Variants in FH observed in about 807,000 individuals in gnomAD.
FH encodes fumarate hydratase.
A neutral mutation model predicts 49.4 loss-of-function variants in FH; 22 were observed. The observed-to-expected ratio is 0.45, with a 90% CI of 0.32 to 0.64. The LOEUF (loss-of-function observed/expected upper bound fraction) is 0.64, where lower values mean the gene tolerates loss of function less well. Ranked by LOEUF, FH falls within the 30% of genes least tolerant of loss-of-function variation. The pLI is 0.05. For synonymous variants in FH, 208 were observed against 223.0 expected (o/e 0.93, Z 0.60); for missense variants, 526 against 641.5 (o/e 0.82, Z 1.95).
chr1:241,497,928 T>C lies in FH; in HGVS notation c.1433A>G (p.Asn478Ser), dbSNP rs201886827. ...AAKIAKTAHK[N>S]GSTLKETAIE... The stretch of plus-strand genomic sequence containing the variant: ...AGCAGTTTCCTTTAAGGTTGATCCA[T>C]TTTTGTGTGCTGTCTTAGCAATCTT... The change falls in exon 10 of 10, where the codon AAT (asparagine) becomes AGT (serine). Residue 478 changes from asparagine to serine, a missense_variant. By Grantham distance (46) the Asn-to-Ser change is conservative. Transcript: ENST00000366560. 13 of 1,613,552 alleles carry C rather than the reference T, an allele frequency of 8.1e-6. No homozygotes were observed. Among genetic ancestry groups the C allele is most frequent in the Non-Finnish European group, 1.1e-5 (13 of 1,179,736 alleles).
chr1:241,517,368 A>G, intron 1 of FH, 52 bp from the exon 2 acceptor site: 1 of 1,601,028 alleles, frequency 6.2e-7, no homozygotes. Flanking sequence ...CCCAGGATCA[A>G]AAGTAATCGC....
rs1415469257 is a variant in FH, at chr1:241,504,190, A to G, written c.960T>C (p.Ala320=). 1 of 1,614,106 alleles carries G rather than the reference A, an allele frequency of 6.2e-7. No individual in the cohort carries two copies. Among genetic ancestry groups the G allele is most frequent in the Admixed American group, 1.7e-5 (1 of 60,008 alleles). Residue 320 remains alanine (A), a synonymous_variant, in exon 7 of 10, where the codon GCT becomes GCC. Coordinates refer to ENST00000366560, the MANE Select transcript of FH (RefSeq NM_000143.4). ...TCATGGCTCCACTGAGCTCAACCAGAGCGTCATGAGCAGCCAGAGCTTCAA... is the reference window on the plus strand; with the variant it reads ...TCATGGCTCCACTGAGCTCAACCAGGGCGTCATGAGCAGCCAGAGCTTCAA... ...NKFEALAAHD[A]LVELSGAMNT...
At chr1:241,519,262 C>T in intron 1 of FH, 1 of 290,574 alleles carries the variant, frequency 3.4e-6, no homozygotes, top group South Asian at 4.2e-5. Context: ...GGCCTGCGCG[C>T]CAGCAGCAGC....
intron 2 of FH, among the ~76,000 whole-genome samples, chr1:241,515,292 G>GAGC (rs1334645298): frequency 1.3e-5 from 2 of 152,034 alleles, no homozygotes; most frequent in Admixed American, 6.5e-5. Context: ...GCTGTCTCTG[G>GAGC]AGCAGCAGCA....
At chr1:241,502,670 T>C in intron 7 of FH, 100 bp from the exon 8 acceptor site, 1 of 1,368,184 alleles carries the variant, frequency 7.3e-7, no homozygotes, top group Non-Finnish European at 1.0e-6. Flanking sequence ...AGATATACAA[T>C]AAAGCAAGGC....
intron 1 of FH, 71 bp from the exon 2 acceptor site, chr1:241,517,387 A>T: frequency 1.3e-6 from 2 of 1,544,760 alleles, no homozygotes; most frequent in Non-Finnish European, 1.8e-6. Flanking sequence ...GCATCTTATC[A>T]GCTGTTAAAG....
chr1:241,503,726 G>T (rs759537846), intron 7 of FH, among the ~76,000 whole-genome samples: 10 of 152,176 alleles, frequency 6.6e-5, no homozygotes, highest in African/African-American at 2.4e-4. Flanking sequence ...GGCATATAAC[G>T]GAATGCAAAA....
At chr1:241,513,807 A>G (rs1660151499) in intron 2 of FH, 94 bp from the exon 3 acceptor site, 4 of 936,324 alleles carry the variant, frequency 4.3e-6, no homozygotes, top group Middle Eastern at 2.5e-4. Flanking sequence ...ACATAAAACA[A>G]TAACAATAAA....
At chr1:241,507,737 C>G (rs573376647) in intron 5 of FH, among the ~76,000 whole-genome samples, 4 of 152,248 alleles carry the variant, frequency 2.6e-5, no homozygotes, top group African/African-American at 9.6e-5. Context: ...ATGCATGGTC[C>G]TAAGTACTAA....
In FH at chr1:241,504,079, G is replaced by T. The variant is rs1391140770; in HGVS notation, c.1071C>A (p.Ile357=). 1 of 1,614,078 alleles carries T rather than the reference G, an allele frequency of 6.2e-7. No homozygotes were observed. Among genetic ancestry groups the T allele is most frequent in the Admixed American group, 1.7e-5 (1 of 60,004 alleles). The change falls in exon 7 of 10, where the codon ATC becomes ATA. Residue 357 remains isoleucine (I), a synonymous_variant. Coordinates refer to ENST00000366560, the MANE Select transcript of FH (RefSeq NM_000143.4). ...SGPRSGLGEL[I]LPENEPGSSI... Reference sequence around the variant, plus strand: ...TGCTTCCTGGTTCATTTTCAGGCAAGATCAATTCTCCCAGACCTGACCGAG... The same window carrying T: ...TGCTTCCTGGTTCATTTTCAGGCAATATCAATTCTCCCAGACCTGACCGAG...
chr1:241,518,296 T>C (rs751969275), intron 1 of FH, among the ~76,000 whole-genome samples: 2 of 152,196 alleles, frequency 1.3e-5, no homozygotes, highest in Non-Finnish European at 2.9e-5. Flanking sequence ...AAGAGCAAAG[T>C]AGTGCTGCTA....
intron 4 of FH, 143 bp from the exon 5 acceptor site, chr1:241,508,928 T>C (rs974467730): frequency 1.5e-6 from 1 of 655,926 alleles, no homozygotes; most frequent in Non-Finnish European, 2.6e-6. Flanking sequence ...TGGCATGTCA[T>C]AGGTGAGTTA....
At position 241,504,043 on chromosome 1, in the gene FH, T is replaced by G; in HGVS notation, c.1107A>C (p.Pro369=). The G allele has an allele frequency of 6.2e-7, 1 of 1,613,664 alleles. No individual in the cohort carries two copies. Among genetic ancestry groups the G allele is most frequent in the Non-Finnish European group, 8.5e-7 (1 of 1,179,792 alleles). ...PENEPGSSIM[P]GKVNPTQCEA... ...AACATTTACTAGCTATGTGATTACCTGGCATGATACTGCTTCCTGGTTCAT... is the reference window on the plus strand; with the variant it reads ...AACATTTACTAGCTATGTGATTACCGGGCATGATACTGCTTCCTGGTTCAT... The change falls in exon 7 of 10, where the codon CCA becomes CCC. Residue 369 remains proline (P), a splice_region_variant and synonymous_variant. Coordinates refer to ENST00000366560, the MANE Select transcript of FH (RefSeq NM_000143.4).
At chr1:241,500,723 ATCT>A (rs1659758444) in intron 8 of FH, 133 bp from the exon 9 acceptor site, 20 of 1,258,848 alleles carry the variant, frequency 1.6e-5, no homozygotes, top group South Asian at 2.9e-5. Context: ...AAACATATAG[ATCT>A]TCTACAAATT....
chr1:241,498,715 ATATATATATATAT>A lies in FH; in HGVS notation c.1391-758_1391-746del, dbSNP rs1659690067. Among the ~76,000 whole-genome samples the A allele has an allele frequency of 1.3e-4, 11 of 87,554 alleles. 2 individuals are homozygous for A. Among genetic ancestry groups the A allele is most frequent in the African/African-American group, 4.9e-4 (11 of 22,522 alleles). The allele number at this position is 87,554 out of a possible 152,430, so 57.4% of individuals were successfully genotyped here. ...TTAACATATATATATATATATATATATATATATATATATATATATATATATATGTCAAGAAGAA... is the reference window on the plus strand; with the variant it reads ...TTAACATATATATATATATATATATAATATATATATATATGTCAAGAAGAA... On this transcript the variant is annotated intron_variant, in intron 9 of 9. Coordinates refer to ENST00000366560, the MANE Select transcript of FH (RefSeq NM_000143.4).
Position 241,504,023 on chromosome 1 carries a change from T to C in FH, c.1108+19A>G. 6 of 1,609,616 alleles carry C rather than the reference T, an allele frequency of 3.7e-6. No individual in the cohort carries two copies. The highest frequency in any genetic ancestry group is 5.1e-6 in the Non-Finnish European group (6 of 1,177,212). On this transcript the variant is annotated intron_variant, in intron 7 of 9. Coordinates refer to ENST00000366560, the MANE Select transcript of FH (RefSeq NM_000143.4). Reference sequence around the variant, plus strand: ...CCTAGTCAAGTTTTAGCTCCAACATTTACTAGCTATGTGATTACCTGGCAT... The same window carrying C: ...CCTAGTCAAGTTTTAGCTCCAACATCTACTAGCTATGTGATTACCTGGCAT...
chr1:241,505,570 G>A (rs1246310027), intron 6 of FH, among the ~76,000 whole-genome samples: 1 of 151,838 alleles, frequency 6.6e-6, no homozygotes, highest in Admixed American at 6.6e-5. Flanking sequence ...CTCTACTAAA[G>A]GAAAGACATG....
Position 241,519,520 on chromosome 1 carries a change from G to T in FH, c.132+71C>A, listed in dbSNP as rs111416913. The T allele has an allele frequency of 7.5e-3, 11,302 of 1,497,182 alleles. 331 individuals carry two copies. In the East Asian group the frequency reaches 0.096, roughly 13 times the overall value. 92.7% of individuals were successfully genotyped at this position (1,497,182 alleles called of 1,614,324 possible). On this transcript the variant is annotated intron_variant, in intron 1 of 9. Transcript: ENST00000366560. ...GGGAATCTCTCCCGCCAAGTCGCGGGCGCCCAGGCCGGCAGGCAGGAGGGC... is the reference window on the plus strand; with the variant it reads ...GGGAATCTCTCCCGCCAAGTCGCGGTCGCCCAGGCCGGCAGGCAGGAGGGC...
intron 5 of FH, among the ~76,000 whole-genome samples, chr1:241,508,387 C>T (rs1373748024): frequency 3.9e-5 from 6 of 152,144 alleles, no homozygotes; most frequent in East Asian, 1.9e-4. Flanking sequence ...GATTTGAACC[C>T]GAGCAGTCTG....
Sources: gnomAD v4.1 joint callset for allele counts (sites outside exome capture counted in the v4.1 genomes callset) on GRCh38, gnomAD v4.1.1 for gene constraint, MANE v1.5 for transcripts, NCBI Gene and HGNC (gene_info 2026-07-23, HGNC 2026-07-21) for gene names.